The following ABTB2 variants were observed in gnomAD, a reference collection of about 807,000 sequenced individuals.
ABTB2 encodes the protein ankyrin repeat and BTB/POZ domain-containing protein 2.
A neutral mutation model predicts 104.1 loss-of-function variants in ABTB2; 56 were observed. That is an observed-to-expected ratio of 0.54 (90% confidence interval 0.43 to 0.67). The LOEUF is 0.67. Among genes scored for constraint, ABTB2 ranks in the 30% least tolerant of loss-of-function variants. The probability of loss-of-function intolerance (pLI) is 0.00; values close to 1 mark genes in which losing one functional copy is unlikely to be tolerated. For missense variants in ABTB2, 1,279 were observed against 1,407.7 expected (o/e 0.91, Z 1.46); for synonymous variants, 606 against 608.2 (o/e 1.00, Z 0.05).
chr11:34,351,812 A>G (rs1855402234), intron 1 of ABTB2, among the ~76,000 whole-genome samples: 1 of 152,110 alleles, frequency 6.6e-6, no homozygotes, highest in Non-Finnish European at 1.5e-5. Context: ...AGGAAACATC[A>G]CAAAGGGGTG....
In ABTB2 at chr11:34,252,479, G is replaced by A. The variant is rs865901542; in HGVS notation, c.884-47789C>T. ...CATCATGACCTCCCCACCACCGCTGGGCATGACCCTAAGAGAAAGACTAGA... is the reference window on the plus strand; with the variant it reads ...CATCATGACCTCCCCACCACCGCTGAGCATGACCCTAAGAGAAAGACTAGA... On this transcript the variant is annotated intron_variant, in intron 1 of 16. Coordinates refer to ENST00000435224, the MANE Select transcript of ABTB2 (RefSeq NM_145804.3). The surrounding 1 kb of genome is among the most constrained non-coding windows in gnomAD (Gnocchi z 5.5). Among the ~76,000 whole-genome samples, 4 of 152,030 alleles carry A rather than the reference G, an allele frequency of 2.6e-5. No individual in the cohort carries two copies. The highest frequency in any genetic ancestry group is 6.6e-5 in the Admixed American group (1 of 15,254).
Position 34,152,090 on chromosome 11 carries a change from C to A in ABTB2, c.*297G>T. The A allele has an allele frequency of 2.4e-6, 1 of 413,064 alleles. No homozygotes were observed. Among genetic ancestry groups the A allele is most frequent in the South Asian group, 2.4e-5 (1 of 41,626 alleles). The allele number at this position is 413,064 out of a possible 1,614,324, so 25.6% of individuals were successfully genotyped here. On this transcript the variant is annotated 3_prime_UTR_variant, in exon 17 of 17. Coordinates refer to ENST00000435224, the MANE Select transcript of ABTB2 (RefSeq NM_145804.3). ...AGGTGGATCAGGATCAGCTGCTGAC[C>A]TGCAGGAGGGGAGAGCGACACCCCG...
Position 34,159,901 on chromosome 11 carries a change from C to T in ABTB2, c.2606+5G>A, listed in dbSNP as rs1483319380. On this transcript the variant is annotated splice_donor_5th_base_variant and intron_variant, in intron 13 of 16. Coordinates refer to ENST00000435224, the MANE Select transcript of ABTB2 (RefSeq NM_145804.3). ...GCTGGGAGTTTGTTATCTGAGGCTG[C>T]CTACCTGTTAGAAGCTGTCACCAGC... is the stretch of plus-strand genomic sequence containing the variant. The T allele has an allele frequency of 1.2e-6, 2 of 1,610,096 alleles. No homozygotes were observed. The highest frequency in any genetic ancestry group is 1.1e-5 in the South Asian group (1 of 90,980).
chr11:34,255,156 TG>T (rs1181247814), intron 1 of ABTB2, among the ~76,000 whole-genome samples: 2 of 152,204 alleles, frequency 1.3e-5, no homozygotes, highest in African/African-American at 4.8e-5. Flanking sequence ...TTCAGAGATC[TG>T]GCTCAAGCTG....
chr11:34,239,561 G>A (rs1442978903), intron 1 of ABTB2, among the ~76,000 whole-genome samples: 1 of 151,946 alleles, frequency 6.6e-6, no homozygotes, highest in Non-Finnish European at 1.5e-5. Flanking sequence ...GAACTCCTGA[G>A]CTCAAGTGAT....
chr11:34,264,891 T>G (rs1194920012), intron 1 of ABTB2, among the ~76,000 whole-genome samples: 1 of 152,180 alleles, frequency 6.6e-6, no homozygotes, highest in Non-Finnish European at 1.5e-5. Context: ...CTCTAAAACT[T>G]TGAGCTCAAA....
chr11:34,283,075 ATT>A (rs34343413), intron 1 of ABTB2, among the ~76,000 whole-genome samples: 16,069 of 139,054 alleles, frequency 0.12, 1,064 homozygotes, highest in Admixed American at 0.22. Flanking sequence ...TGCCCAGCTA[ATT>A]TTTTTTTTTT....
At chr11:34,351,643 C>G (rs886306452) in intron 1 of ABTB2, among the ~76,000 whole-genome samples, 2 of 152,164 alleles carry the variant, frequency 1.3e-5, no homozygotes, top group African/African-American at 4.8e-5. Flanking sequence ...AAATTTTAAA[C>G]CTGTATGGCG....
rs1853670976 is a variant in ABTB2 at position 34,225,223 on chromosome 11, C to T, written c.884-20533G>A. ...GGGCAGAGGGCAGAGGCTGACTGCT[C>T]TGACGCGTTAGAGCAGAAGGGGAAA... is the stretch of plus-strand genomic sequence containing the variant. On this transcript the variant is annotated intron_variant, in intron 1 of 16. Transcript: ENST00000435224. Among the ~76,000 whole-genome samples, 8 of 152,318 alleles carry T rather than the reference C, an allele frequency of 5.3e-5. No homozygotes were observed. In the South Asian group the frequency reaches 1.7e-3, roughly 32 times the overall value.
chr11:34,295,446 T>G (rs2133095377), intron 1 of ABTB2, among the ~76,000 whole-genome samples: 1 of 152,298 alleles, frequency 6.6e-6, no homozygotes, highest in East Asian at 1.9e-4. Flanking sequence ...TCTGATTGCT[T>G]CTGTAATATA....
intron 1 of ABTB2, among the ~76,000 whole-genome samples, chr11:34,277,482 A>G (rs1392895611): frequency 1.3e-5 from 2 of 151,748 alleles, no homozygotes; most frequent in Admixed American, 1.3e-4. Flanking sequence ...TCTTATTTAA[A>G]AAAAAAAACA....
rs958371737 is a variant in ABTB2 at position 34,194,829 on chromosome 11, C to T, written c.1244+2496G>A. 3.4e-5 allele frequency among the ~76,000 whole-genome samples: 5 copies of T among 149,232 alleles called. No individual in the cohort carries two copies. In the East Asian group the frequency reaches 9.9e-4, roughly 30 times the overall value. ...TCCAATTCCCCATGTGTCTGATATT[C>T]ATTTGAAATGATTCATGGAAAAATA... On this transcript the variant is annotated intron_variant, in intron 3 of 16. Coordinates refer to ENST00000435224, the MANE Select transcript of ABTB2 (RefSeq NM_145804.3).
At chr11:34,335,915 G>C in intron 1 of ABTB2, 1 of 719,924 alleles carries the variant, frequency 1.4e-6, no homozygotes. Flanking sequence ...GGTTGAAAAG[G>C]CTTTGGGATT....
chr11:34,338,746 G>T (rs1016555749), intron 1 of ABTB2, among the ~76,000 whole-genome samples: 25 of 152,028 alleles, frequency 1.6e-4, no homozygotes, highest in African/African-American at 6.0e-4. Context: ...ACTTTTACAG[G>T]TTTTCACTTA....
intron 1 of ABTB2, among the ~76,000 whole-genome samples, chr11:34,303,774 T>C (rs1622989): frequency 0.55 from 83,824 of 151,234 alleles, 23,941 homozygotes; most frequent in South Asian, 0.71. Flanking sequence ...TCCCGAGTAG[T>C]TGGGATTACA....
At chr11:34,234,653 C>G (rs1853817428) in intron 1 of ABTB2, among the ~76,000 whole-genome samples, 1 of 152,150 alleles carries the variant, frequency 6.6e-6, no homozygotes, top group Non-Finnish European at 1.5e-5. Context: ...GGAATCTTTT[C>G]CTTATGAAAA....
intron 1 of ABTB2, among the ~76,000 whole-genome samples, chr11:34,208,453 A>T (rs1267795094): frequency 3.3e-5 from 5 of 152,172 alleles, no homozygotes; most frequent in Admixed American, 6.5e-5. Context: ...CATGACTGTG[A>T]GTGAATCTCG....
Position 34,237,303 on chromosome 11 carries a change from C to A in ABTB2, c.884-32613G>T, listed in dbSNP as rs1853857772. Among the ~76,000 whole-genome samples the A allele has an allele frequency of 2.2e-5, 3 of 134,758 alleles. No individual in the cohort carries two copies. The South Asian group carries it at 7.0e-4, about 31-fold the overall frequency. 88.4% of individuals were successfully genotyped at this position (134,758 alleles called of 152,430 possible). ...TTTTTTTTTTTTTTTTTTTTTTAGACCGAGTCTCGCTCTATTGCCCAGGCT... is the reference window on the plus strand; with the variant it reads ...TTTTTTTTTTTTTTTTTTTTTTAGAACGAGTCTCGCTCTATTGCCCAGGCT... On this transcript the variant is annotated intron_variant, in intron 1 of 16. Coordinates refer to ENST00000435224, the MANE Select transcript of ABTB2 (RefSeq NM_145804.3).
Position 34,154,655 on chromosome 11 carries a change from G to A in ABTB2, c.2766+46C>T, listed in dbSNP as rs770940789. On this transcript the variant is annotated intron_variant, in intron 15 of 16. Transcript: ENST00000435224. This position sits in a 1 kb window ranked among gnomAD's most constrained non-coding sequence, Gnocchi z 4.9. ...AAGGGGGTGAATGGGAGACCGAGCC[G>A]CTGGGCACCCTAGCCCAGGCCCCCT... 6.9e-6 allele frequency: 11 copies of A among 1,596,686 alleles called. No individual in the cohort carries two copies. In the East Asian group the frequency reaches 1.1e-4, roughly 16 times the overall value.
Sources: allele counts gnomAD v4.1 joint callset (sites outside exome capture counted in the v4.1 genomes callset), GRCh38; gene constraint gnomAD v4.1.1; non-coding constraint Gnocchi (gnomAD v3.1); transcripts MANE v1.5; gene names NCBI Gene and HGNC (gene_info 2026-07-23, HGNC 2026-07-21).